TIAM2: variants seen among roughly 807,000 people sequenced by gnomAD.
The protein encoded by TIAM2 is rho guanine nucleotide exchange factor TIAM2.
In TIAM2, 80 loss-of-function variants were observed where a neutral mutation model predicts 152.9. The ratio of observed to expected loss-of-function variants is 0.52; its 90% CI spans 0.44 to 0.63. TIAM2 has a LOEUF of 0.63. Ranked by LOEUF, TIAM2 falls within the 30% of genes least tolerant of loss-of-function variation. TIAM2 has a pLI of 0.00. For missense variants in TIAM2, 1,965 were observed against 2,120.1 expected (o/e 0.93, Z 1.44); for synonymous variants, 804 against 838.0 (o/e 0.96, Z 0.70).
intron 1 of TIAM2, among the ~76,000 whole-genome samples, chr6:155,074,392 G>A (rs528569992): frequency 3.3e-5 from 5 of 151,582 alleles, no homozygotes; most frequent in South Asian, 4.2e-4. Context: ...TCGCTCAGTC[G>A]CCCAGGCTGG....
At chr6:155,073,669 G>GA (rs924130111) in intron 1 of TIAM2, among the ~76,000 whole-genome samples, 11 of 148,140 alleles carry the variant, frequency 7.4e-5, no homozygotes, top group Non-Finnish European at 1.5e-4. Flanking sequence ...CAGCTGAGAA[G>GA]AAAAAAAAAA....
intron 9 of TIAM2, among the ~76,000 whole-genome samples, chr6:155,175,750 G>A (rs1780745580): frequency 6.6e-6 from 1 of 152,174 alleles, no homozygotes; most frequent in Admixed American, 6.5e-5. Context: ...AGAAATGTAT[G>A]CTATTTTTGT....
At chr6:155,034,394 A>G (rs1776883799) in intron 1 of TIAM2, among the ~76,000 whole-genome samples, 3 of 152,004 alleles carry the variant, frequency 2.0e-5, no homozygotes, top group Non-Finnish European at 2.9e-5. Context: ...GGGATTGATT[A>G]TAGCCACCCA....
chr6:155,254,103 A>C (rs1448591080), intron 25 of TIAM2, 43 bp downstream of exon 25: 1 of 1,577,004 alleles, frequency 6.3e-7, no homozygotes, highest in Non-Finnish European at 8.7e-7. Context: ...GAAATAACAT[A>C]GAATTATGTC....
chr6:155,210,886 A>G (rs1427761224), intron 14 of TIAM2, among the ~76,000 whole-genome samples: 2 of 152,214 alleles, frequency 1.3e-5, no homozygotes, highest in African/African-American at 4.8e-5. Context: ...AGGTCCAAAT[A>G]AATTAGTTAA....
chr6:154,996,233 A>G (rs1230938460), intron 1 of TIAM2, among the ~76,000 whole-genome samples: 1 of 152,226 alleles, frequency 6.6e-6, no homozygotes, highest in Non-Finnish European at 1.5e-5. Context: ...AGGTATTTCT[A>G]TCTTTAAGGA....
At chr6:155,046,029 C>T (rs1777167231) in intron 1 of TIAM2, among the ~76,000 whole-genome samples, 1 of 151,744 alleles carries the variant, frequency 6.6e-6, no homozygotes, top group Admixed American at 6.6e-5. Context: ...GTCCATCACC[C>T]TGTGACTGCC....
chr6:155,041,998 G>A (rs60028993), intron 1 of TIAM2, among the ~76,000 whole-genome samples: 5 of 151,970 alleles, frequency 3.3e-5, no homozygotes, highest in East Asian at 1.9e-4. Context: ...AGTTTTACTC[G>A]ACTTCCCATC....
chr6:155,030,154 A>G (rs917683499), intron 1 of TIAM2, among the ~76,000 whole-genome samples: 10 of 152,080 alleles, frequency 6.6e-5, no homozygotes, highest in African/African-American at 2.4e-4. Flanking sequence ...TGATTTTTAT[A>G]TTACCTTATG....
Position 155,006,683 on chromosome 6 carries a change from A to T in TIAM2, c.-209+11191A>T, listed in dbSNP as rs1210572737. Among the ~76,000 whole-genome samples the T allele has an allele frequency of 4.5e-5, 6 of 132,310 alleles. No homozygotes were observed. In the East Asian group the frequency reaches 1.3e-3, roughly 30 times the overall value. 86.8% of individuals were successfully genotyped at this position (132,310 alleles called of 152,430 possible). On this transcript the variant is annotated intron_variant, in intron 1 of 26. Transcript: ENST00000682666. Reference sequence around the variant, plus strand: ...ACTGTCTCCCCCACCTCCCCCCACCAAAAAAAAAAAAAAAGAAAAAAAAAA... The same window carrying T: ...ACTGTCTCCCCCACCTCCCCCCACCTAAAAAAAAAAAAAAGAAAAAAAAAA...
At chr6:155,072,615 AT>A (rs1437177476) in intron 1 of TIAM2, among the ~76,000 whole-genome samples, 1 of 152,100 alleles carries the variant, frequency 6.6e-6, no homozygotes, top group Non-Finnish European at 1.5e-5. Flanking sequence ...GGTCATGTTG[AT>A]TTTTTGAGGT....
chr6:154,996,075 G>GT (rs1778207246), intron 1 of TIAM2, among the ~76,000 whole-genome samples: 1 of 152,208 alleles, frequency 6.6e-6, no homozygotes, highest in African/African-American at 2.4e-5. Flanking sequence ...CTCCTGGGGG[G>GT]GCTGAGGTGC....
chr6:155,000,545 AAAAG>A (rs1778295777), intron 1 of TIAM2, among the ~76,000 whole-genome samples: 1 of 151,744 alleles, frequency 6.6e-6, no homozygotes, highest in Non-Finnish European at 1.5e-5. Flanking sequence ...AAAAAAAAAA[AAAAG>A]CATCCAAAAA....
intron 1 of TIAM2, among the ~76,000 whole-genome samples, chr6:155,001,746 G>A (rs569705509): frequency 6.6e-6 from 1 of 152,300 alleles, no homozygotes; most frequent in African/African-American, 2.4e-5. Flanking sequence ...TTAAATTCAT[G>A]GTTAGGTTTC....
At chr6:155,159,869 CT>C (rs1780221982) in intron 7 of TIAM2, among the ~76,000 whole-genome samples, 1 of 152,154 alleles carries the variant, frequency 6.6e-6, no homozygotes, top group Admixed American at 6.5e-5. Flanking sequence ...TGACTATGAT[CT>C]TTCAATATGG....
chr6:155,227,296 G>A (rs1280502973), intron 15 of TIAM2, among the ~76,000 whole-genome samples: 1 of 152,222 alleles, frequency 6.6e-6, no homozygotes, highest in Non-Finnish European at 1.5e-5. Context: ...CTGCAGGGGT[G>A]CTGAGTCAGT....
chr6:155,088,332 C>T (rs956641141), intron 1 of TIAM2, among the ~76,000 whole-genome samples: 17 of 152,124 alleles, frequency 1.1e-4, no homozygotes, highest in Non-Finnish European at 1.9e-4. Flanking sequence ...CTGCCCACCT[C>T]GGCCTCCCAA....
chr6:155,168,139 A>G (rs543382242), intron 9 of TIAM2, among the ~76,000 whole-genome samples: 1 of 152,316 alleles, frequency 6.6e-6, no homozygotes, highest in African/African-American at 2.4e-5. Context: ...AATGTTAATT[A>G]TGCCATTACA....
chr6:155,008,813 C>T (rs773821323), intron 1 of TIAM2, among the ~76,000 whole-genome samples: 53 of 152,140 alleles, frequency 3.5e-4, no homozygotes, highest in African/African-American at 1.3e-3. Flanking sequence ...AAGAAAAATG[C>T]GCTGACTGTA....
Sources: allele counts gnomAD v4.1 joint callset (sites outside exome capture counted in the v4.1 genomes callset), GRCh38; gene constraint gnomAD v4.1.1; transcripts MANE v1.5; gene names NCBI Gene and HGNC (gene_info 2026-07-23, HGNC 2026-07-21).